UGT3A1: variants seen among roughly 807,000 people sequenced by gnomAD.
The protein encoded by UGT3A1 is UDP-glycosyltransferase 3A1.
In UGT3A1, 40 loss-of-function variants were observed where a neutral mutation model predicts 37.6. That is an observed-to-expected ratio of 1.06 (90% CI 0.83 to 1.38). The LOEUF is 1.38. Among genes scored for constraint, UGT3A1 ranks in the 40% most tolerant of loss-of-function variants. UGT3A1 has a pLI of 0.00. For synonymous variants in UGT3A1, 256 were observed against 232.3 expected, an observed-to-expected ratio of 1.10 and a Z score of -0.93; for missense variants, 642 against 634.2, an observed-to-expected ratio of 1.01 and a Z score of -0.13.
At chr5:35,962,718 G>A (rs960815007) in intron 4 of UGT3A1, 1 of 590,456 alleles carries the variant, frequency 1.7e-6, no homozygotes, top group Non-Finnish European at 3.0e-6. Context: ...CACAATGAAT[G>A]GTTCCTTCCT....
Position 35,953,891 on chromosome 5 carries a change from C to T in UGT3A1, c.*311G>A, listed in dbSNP as rs1273572045. 7.3e-6 allele frequency: 2 copies of T among 275,090 alleles called. No homozygotes were observed. The highest frequency in any genetic ancestry group is 1.4e-5 in the Non-Finnish European group (2 of 146,096). 17.0% of individuals were successfully genotyped at this position (275,090 alleles called of 1,614,324 possible). On this transcript the variant is annotated 3_prime_UTR_variant, in exon 7 of 7. Coordinates refer to ENST00000274278, the MANE Select transcript of UGT3A1 (RefSeq NM_152404.4). ...TAGAAGGAGAAATGGGGACTGGAAA[C>T]TGGGAAGTCATCTAAACAAGGAGGA... is the stretch of plus-strand genomic sequence containing the variant.
chr5:35,992,070 CTCTA>C (rs753403601), upstream of UGT3A1, among the ~76,000 whole-genome samples: 13 of 152,326 alleles, frequency 8.5e-5, 1 homozygote, highest in East Asian at 3.9e-4. Context: ...CCTTTGTACT[CTCTA>C]TCCTCAAACC....
At chr5:35,986,353 C>T (rs1289344252) in intron 2 of UGT3A1, among the ~76,000 whole-genome samples, 8 of 151,950 alleles carry the variant, frequency 5.3e-5, no homozygotes, top group South Asian at 2.1e-4. Flanking sequence ...GTCAATATAT[C>T]GAAGAGATAG....
In UGT3A1 at chr5:35,955,723, T is replaced by A. The variant is rs776440342; in HGVS notation, c.1217A>T (p.Tyr406Phe). 5 of 1,614,118 alleles carry A rather than the reference T, an allele frequency of 3.1e-6. No homozygotes were observed. The African/African-American group carries it at 5.3e-5, about 17-fold the overall frequency. The change falls in exon 6 of 7, where the codon TAT becomes TTT. Residue 406 changes from tyrosine (Y) to phenylalanine (F), a missense_variant. Tyr to Phe is a conservative substitution (Grantham distance 22, BLOSUM62 3). Transcript: ENST00000274278. Reference protein sequence around the residue: ...GNMVRVVAKNYGVSIRLNQVT... With the variant: ...GNMVRVVAKNFGVSIRLNQVT... ...CTGATTCAACCGGATAGAGACACCATAATTTTTGGCTACTACTCGGACCAT... is the reference window on the plus strand; with the variant it reads ...CTGATTCAACCGGATAGAGACACCAAAATTTTTGGCTACTACTCGGACCAT...
At chr5:35,980,354 C>T (rs1199217724) in intron 2 of UGT3A1, among the ~76,000 whole-genome samples, 1 of 152,154 alleles carries the variant, frequency 6.6e-6, no homozygotes, top group Non-Finnish European at 1.5e-5. Context: ...CATAATAGAG[C>T]TCATGGAGAA....
chr5:35,978,572 C>T (rs1740392228), intron 2 of UGT3A1, among the ~76,000 whole-genome samples: 1 of 152,094 alleles, frequency 6.6e-6, no homozygotes, highest in Non-Finnish European at 1.5e-5. Flanking sequence ...ATCACAAGAA[C>T]AGCATGGGAA....
At chr5:35,971,176 TAATG>T (rs1231571867) in intron 2 of UGT3A1, among the ~76,000 whole-genome samples, 1 of 152,158 alleles carries the variant, frequency 6.6e-6, no homozygotes, top group African/African-American at 2.4e-5. Flanking sequence ...TATGACATTA[TAATG>T]AGGATGTCCT....
At chr5:35,979,851 A>T (rs1740447710) in intron 2 of UGT3A1, among the ~76,000 whole-genome samples, 1 of 152,228 alleles carries the variant, frequency 6.6e-6, no homozygotes, top group South Asian at 2.1e-4. Flanking sequence ...AGGCCCCACA[A>T]TCATGGCAGA....
At chr5:35,962,622 C>T (rs1359196915) in intron 4 of UGT3A1, 1 of 430,944 alleles carries the variant, frequency 2.3e-6, no homozygotes, top group African/African-American at 2.0e-5. Context: ...CTAGATTTCC[C>T]TGCAAGGTAT....
chr5:35,976,954 G>T (rs1428118952), intron 2 of UGT3A1, among the ~76,000 whole-genome samples: 1 of 146,318 alleles, frequency 6.8e-6, no homozygotes, highest in African/African-American at 2.5e-5. Flanking sequence ...GAGAGAGAAA[G>T]AAAGAAAGAG....
intron 4 of UGT3A1, chr5:35,962,698 C>A (rs970409389): frequency 1.6e-5 from 9 of 572,416 alleles, no homozygotes; most frequent in Non-Finnish European, 2.8e-5. Flanking sequence ...GTCCAGCTGC[C>A]AGATGGTATC....
chr5:35,992,679 G>T (rs1356315265), upstream of UGT3A1, among the ~76,000 whole-genome samples: 1 of 152,052 alleles, frequency 6.6e-6, no homozygotes, highest in Non-Finnish European at 1.5e-5. Context: ...GATATGAAAG[G>T]TCAGGTATTA....
intron 4 of UGT3A1, among the ~76,000 whole-genome samples, chr5:35,963,465 G>A (rs1438857029): frequency 6.6e-6 from 1 of 152,136 alleles, no homozygotes; most frequent in Non-Finnish European, 1.5e-5. Context: ...CAGCCAGCAG[G>A]GGTCGCTCCT....
rs377239120 is a variant in UGT3A1 at position 35,963,246 on chromosome 5, G to T, written c.843+2140C>A. 1.2e-4 allele frequency among the ~76,000 whole-genome samples: 19 copies of T among 152,320 alleles called. 2 individuals carry two copies. Among genetic ancestry groups the T allele is most frequent in the South Asian group, 8.3e-4 (4 of 4,822 alleles). ...CTGGAGCATGGCCTCCCTCCATGAA[G>T]TGGGGGTTTAGTCAGCAGGAATTTG... is the stretch of plus-strand genomic sequence containing the variant. On this transcript the variant is annotated intron_variant, in intron 4 of 6. Coordinates refer to ENST00000274278, the MANE Select transcript of UGT3A1 (RefSeq NM_152404.4).
chr5:35,959,572 C>T (rs1486255812), intron 4 of UGT3A1, among the ~76,000 whole-genome samples: 2 of 151,550 alleles, frequency 1.3e-5, no homozygotes, highest in Admixed American at 6.6e-5. Flanking sequence ...ATTTTTTTCT[C>T]GTGGGCAAAA....
chr5:35,999,831 A>C (rs952240991), intron 1 of UGT3A1, among the ~76,000 whole-genome samples: 8 of 152,172 alleles, frequency 5.3e-5, no homozygotes, highest in Non-Finnish European at 1.0e-4. Flanking sequence ...CAAAATTACA[A>C]GTATGTTTTA....
At chr5:36,000,363 C>A (rs1741192326) in intron 1 of UGT3A1, among the ~76,000 whole-genome samples, 1 of 152,180 alleles carries the variant, frequency 6.6e-6, no homozygotes, top group African/African-American at 2.4e-5. Context: ...ACAGTGTGCT[C>A]CCAGAAGATG....
intron 2 of UGT3A1, among the ~76,000 whole-genome samples, chr5:35,975,271 G>T (rs1364272092): frequency 2.6e-5 from 4 of 152,230 alleles, no homozygotes; most frequent in Non-Finnish European, 4.4e-5. Context: ...TACTGCCACT[G>T]CAGAGTACTC....
intron 1 of UGT3A1, among the ~76,000 whole-genome samples, chr5:35,999,590 C>T (rs1741175192): frequency 6.6e-6 from 1 of 152,126 alleles, no homozygotes; most frequent in Non-Finnish European, 1.5e-5. Flanking sequence ...TATCAGGTGC[C>T]CTTATGGAAT....
Sources: allele counts gnomAD v4.1 joint callset (sites outside exome capture counted in the v4.1 genomes callset), GRCh38; gene constraint gnomAD v4.1.1; transcripts MANE v1.5; gene names NCBI Gene and HGNC (gene_info 2026-07-23, HGNC 2026-07-21).